CACNA1D: variants seen among roughly 807,000 people sequenced by gnomAD.
CACNA1D encodes calcium voltage-gated channel subunit alpha1 D.
A neutral mutation model predicts 257.1 loss-of-function variants in CACNA1D; 55 were observed. That is an observed-to-expected ratio of 0.21 (90% CI 0.17 to 0.27). The LOEUF (loss-of-function observed/expected upper bound fraction) is 0.27, where lower values mean the gene tolerates loss of function less well. Among genes scored for constraint, CACNA1D ranks in the 10% least tolerant of loss-of-function variants. The pLI is 1.00. For missense variants in CACNA1D, 1,876 were observed against 2,784.0 expected (o/e 0.67, Z 7.34); for synonymous variants, 980 against 1,014.9 (o/e 0.97, Z 0.65).
rs151331046 is a variant in CACNA1D, at chr3:53,529,493, T to A, written c.483+27773T>A. On this transcript the variant is annotated intron_variant, in intron 3 of 47. Transcript: ENST00000350061. The stretch of plus-strand genomic sequence containing the variant: ...TTGTAATGTCCCTGTCTGGCTTTGG[T>A]GTCTGGGTTGTGCTGGACTCATAAT... Among the ~76,000 whole-genome samples, 16 of 152,324 alleles carry A rather than the reference T, an allele frequency of 1.1e-4. No individual in the cohort carries two copies. In the East Asian group the frequency reaches 2.9e-3, roughly 28 times the overall value.
At chr3:53,700,539 T>C (rs773511641) in intron 8 of CACNA1D, among the ~76,000 whole-genome samples, 6 of 152,328 alleles carry the variant, frequency 3.9e-5, no homozygotes, top group East Asian at 1.9e-4. Flanking sequence ...GTATTTCCCA[T>C]GTGTCAGGAA....
At chr3:53,746,623 A>G (rs1051868244) in intron 25 of CACNA1D, among the ~76,000 whole-genome samples, 2 of 152,292 alleles carry the variant, frequency 1.3e-5, no homozygotes, top group East Asian at 1.9e-4. Flanking sequence ...ACCAATTGCA[A>G]TTTGGCTGTG....
At position 53,756,710 on chromosome 3, in the gene CACNA1D, T is replaced by C. The variant is rs192779187; in HGVS notation, c.3786+3028T>C. ...CAGCTGCTAGAATTCTCCAACAAGT[T>C]CTCTTGCTCCAAGGAGGAAGATTGA... On this transcript the variant is annotated intron_variant, in intron 29 of 47. Coordinates refer to ENST00000350061, the MANE Select transcript of CACNA1D (RefSeq NM_001128840.3). Among the ~76,000 whole-genome samples the C allele has an allele frequency of 3.0e-4, 46 of 152,244 alleles. 1 individual carries two copies. Among genetic ancestry groups the C allele is most frequent in the Admixed American group, 2.8e-3 (43 of 15,298 alleles).
chr3:53,533,606 G>A (rs147498442), intron 3 of CACNA1D, among the ~76,000 whole-genome samples: 3 of 152,330 alleles, frequency 2.0e-5, no homozygotes, highest in African/African-American at 7.2e-5. Context: ...CCCAGAGGGT[G>A]CAGGGACCGC....
intron 3 of CACNA1D, among the ~76,000 whole-genome samples, chr3:53,538,141 G>GTTGTTTTTTT (rs2092170774): frequency 9.9e-5 from 9 of 90,478 alleles, no homozygotes; most frequent in African/African-American, 4.8e-4. Flanking sequence ...AGTTTTTGAA[G>GTTGTTTTTTT]TTTTTTTTTT....
At chr3:53,606,547 C>CT (rs1193531580) in intron 3 of CACNA1D, among the ~76,000 whole-genome samples, 1 of 152,242 alleles carries the variant, frequency 6.6e-6, no homozygotes, top group African/African-American at 2.4e-5. Flanking sequence ...CACCTAGAAT[C>CT]TGAGTCAAGG....
At chr3:53,686,639 T>C (rs1325469169) in intron 8 of CACNA1D, among the ~76,000 whole-genome samples, 2 of 151,892 alleles carry the variant, frequency 1.3e-5, no homozygotes, top group African/African-American at 4.8e-5. Flanking sequence ...TTCTAATAAC[T>C]CTCAGCAAAC....
intron 15 of CACNA1D, 37 bp downstream of exon 15, chr3:53,727,036 C>T (rs1042286787): frequency 8.1e-6 from 13 of 1,613,068 alleles, no homozygotes; most frequent in Non-Finnish European, 1.1e-5. Flanking sequence ...TTGTTGCCGT[C>T]GTTATCTGGT....
At chr3:53,699,802 G>A (rs1224529218) in intron 8 of CACNA1D, among the ~76,000 whole-genome samples, 1 of 152,040 alleles carries the variant, frequency 6.6e-6, no homozygotes, top group African/African-American at 2.4e-5. Flanking sequence ...ATTGTGAGTG[G>A]GCCATAAACC....
rs1226199790 is a variant in CACNA1D, at chr3:53,495,073, C to T, written c.-94C>T. The T allele has an allele frequency of 1.3e-5, 11 of 844,784 alleles. No individual in the cohort carries two copies. The highest frequency in any genetic ancestry group is 1.9e-5 in the Non-Finnish European group (10 of 527,662). The allele number at this position is 844,784 out of a possible 1,614,324, so 52.3% of individuals were successfully genotyped here. On this transcript the variant is annotated 5_prime_UTR_variant, in exon 1 of 48. Coordinates refer to ENST00000350061, the MANE Select transcript of CACNA1D (RefSeq NM_001128840.3). The surrounding 1 kb of genome is among the most constrained non-coding windows in gnomAD (Gnocchi z 5.1). ...GAGAATAAGGGCAGGGACCGCGGCT[C>T]CTACCTCTTGGTGATCCCCTTCCCC...
intron 2 of CACNA1D, among the ~76,000 whole-genome samples, chr3:53,498,442 T>G (rs2090441950): frequency 6.6e-6 from 1 of 152,208 alleles, no homozygotes; most frequent in Non-Finnish European, 1.5e-5. Context: ...ACTGAGGCCT[T>G]CTTTCTGAGC....
intron 40 of CACNA1D, chr3:53,796,280 A>G (rs1488466421): frequency 6.6e-6 from 3 of 454,484 alleles, no homozygotes; most frequent in African/African-American, 6.0e-5. Context: ...GATGGGGAAC[A>G]GGCTCTGCCA....
intron 3 of CACNA1D, among the ~76,000 whole-genome samples, chr3:53,585,350 G>A (rs1291662112): frequency 6.6e-6 from 1 of 152,126 alleles, no homozygotes; most frequent in African/African-American, 2.4e-5. Flanking sequence ...ACAATGCATA[G>A]CATAGATTTG....
intron 3 of CACNA1D, among the ~76,000 whole-genome samples, chr3:53,528,563 T>C (rs1161481049): frequency 6.6e-6 from 1 of 152,210 alleles, no homozygotes; most frequent in Non-Finnish European, 1.5e-5. Context: ...TGTCAATTTC[T>C]ATAAAACAGC....
chr3:53,544,873 G>T (rs749332676), intron 3 of CACNA1D, among the ~76,000 whole-genome samples: 3 of 152,238 alleles, frequency 2.0e-5, no homozygotes, highest in African/African-American at 7.2e-5. Context: ...ATTCGAGGAA[G>T]TGGGGCCACT....
chr3:53,677,860 G>A (rs1026419781), intron 8 of CACNA1D, among the ~76,000 whole-genome samples: 1 of 152,204 alleles, frequency 6.6e-6, no homozygotes, highest in Non-Finnish European at 1.5e-5. Flanking sequence ...GAGATTTGGG[G>A]CAAGTTACTT....
rs56013086 is a variant in CACNA1D, at chr3:53,731,945, G to C, written c.2407-71G>C. 6,122 of 969,150 alleles carry C rather than the reference G, an allele frequency of 6.3e-3. 37 individuals carry two copies. Among genetic ancestry groups the C allele is most frequent in the Non-Finnish European group, 8.5e-3 (5,020 of 592,320 alleles). The allele number at this position is 969,150 out of a possible 1,614,324, so 60.0% of individuals were successfully genotyped here. On this transcript the variant is annotated intron_variant, in intron 17 of 47. Transcript: ENST00000350061. ...ATCCATGCCCTATGCTGGACCACCA[G>C]GGTGACTTTTCCTCTCTGAAGTGAT...
At chr3:53,726,820 A>C (rs1225114252) in intron 14 of CACNA1D, 59 bp from the exon 15 acceptor site, 2 of 1,613,020 alleles carry the variant, frequency 1.2e-6, no homozygotes, top group Non-Finnish European at 1.7e-6. Context: ...GAGGGGCTCT[A>C]AGAGAGCGGC....
At chr3:53,613,566 A>G (rs1288880359) in intron 3 of CACNA1D, among the ~76,000 whole-genome samples, 2 of 147,100 alleles carry the variant, frequency 1.4e-5, no homozygotes, top group Admixed American at 6.8e-5. Context: ...GTGTGTGTGT[A>G]TGGATTCAAA....
Sources: gnomAD v4.1 joint callset for allele counts (sites outside exome capture counted in the v4.1 genomes callset) on GRCh38, gnomAD v4.1.1 for gene constraint, Gnocchi (gnomAD v3.1) non-coding constraint, MANE v1.5 for transcripts, NCBI Gene and HGNC (gene_info 2026-07-23, HGNC 2026-07-21) for gene names.